Variants in TTC17 observed in about 807,000 individuals in gnomAD.
The protein encoded by TTC17 is tetratricopeptide repeat protein 17.
TTC17 carries 58 observed loss-of-function variants against 143.8 expected under a neutral mutation model. The ratio of observed to expected loss-of-function variants is 0.40; its 90% CI spans 0.33 to 0.50. The LOEUF (loss-of-function observed/expected upper bound fraction) is 0.50. Among genes scored for constraint, TTC17 ranks in the 20% least tolerant of loss-of-function variants. TTC17 has a pLI of 0.49. For synonymous variants in TTC17, 501 were observed against 497.8 expected (o/e 1.01, Z -0.09); for missense variants, 1,273 against 1,392.5 (o/e 0.91, Z 1.37).
rs555762309 is a variant in TTC17, at chr11:43,391,294, A to T, written c.420-171A>T. Among the ~76,000 whole-genome samples the T allele has an allele frequency of 3.3e-5, 5 of 152,180 alleles. No homozygotes were observed. The East Asian group carries it at 9.7e-4, about 29-fold the overall frequency. ...CATGCCTGTTGTCCCAGCTACTTGG[A>T]AGGCTGAGGTGAGAGGATCGCTTGA... On this transcript the variant is annotated intron_variant, in intron 3 of 23. Transcript: ENST00000039989.
At chr11:43,456,400 A>G (rs1186315035) in intron 21 of TTC17, among the ~76,000 whole-genome samples, 2 of 152,238 alleles carry the variant, frequency 1.3e-5, no homozygotes, top group Non-Finnish European at 2.9e-5. Flanking sequence ...AAAACCCAAA[A>G]GAATCCATGG....
intron 21 of TTC17, among the ~76,000 whole-genome samples, chr11:43,487,998 A>G (rs1301151820): frequency 1.3e-5 from 2 of 152,206 alleles, no homozygotes; most frequent in African/African-American, 4.8e-5. Flanking sequence ...AGACCTCCAC[A>G]TACAGTTACA....
At chr11:43,445,904 A>T in intron 18 of TTC17, 3 of 985,488 alleles carry the variant, frequency 3.0e-6, no homozygotes, top group East Asian at 2.6e-5. Context: ...ATAATGCTTA[A>T]CTAATTTCAT....
rs757529183 is a variant in TTC17, at chr11:43,448,030, A to G, written c.2694A>G (p.Gly898=). The G allele has an allele frequency of 7.4e-6, 12 of 1,614,052 alleles. No individual in the cohort carries two copies. The highest frequency in any genetic ancestry group is 1.3e-5 in the African/African-American group (1 of 75,042). The part of the protein sequence containing the change: ...QGKKRDYQRL[G]WPSPDECLKL... Reference sequence around the variant, plus strand: ...AAAAACGTGACTACCAGCGTCTGGGATGGCCCAGCCCGGACGAATGCCTCA... The same window carrying G: ...AAAAACGTGACTACCAGCGTCTGGGGTGGCCCAGCCCGGACGAATGCCTCA... Residue 898 remains glycine (G), a synonymous_variant, in exon 19 of 24, where the codon GGA becomes GGG. Coordinates refer to ENST00000039989, the MANE Select transcript of TTC17 (RefSeq NM_018259.6).
At chr11:43,398,217 G>GAAACCTCTT (rs1857701200) in intron 8 of TTC17, 104 bp downstream of exon 8, 1 of 1,418,820 alleles carries the variant, frequency 7.0e-7, no homozygotes, top group South Asian at 1.4e-5. Context: ...AATTAAGAAA[G>GAAACCTCTT]AAACCTCTTC....
chr11:43,413,228 G>GA (rs1946697370), intron 15 of TTC17, among the ~76,000 whole-genome samples: 2 of 152,212 alleles, frequency 1.3e-5, no homozygotes, highest in South Asian at 4.1e-4. Context: ...GTTCAGTGAG[G>GA]AAAAAACATT....
intron 21 of TTC17, 100 bp downstream of exon 21, chr11:43,451,365 CT>C: frequency 9.6e-7 from 1 of 1,037,326 alleles, no homozygotes; most frequent in Non-Finnish European, 1.5e-6. Context: ...CTGTTAGTTA[CT>C]TAGCACTTGG....
intron 5 of TTC17, among the ~76,000 whole-genome samples, chr11:43,393,990 A>C (rs1857485460): frequency 6.6e-6 from 1 of 152,208 alleles, no homozygotes; most frequent in Non-Finnish European, 1.5e-5. Context: ...ATGCTTGAAG[A>C]CAGAGAGAGA....
intron 13 of TTC17, among the ~76,000 whole-genome samples, chr11:43,406,465 C>T (rs1038001888): frequency 5.9e-5 from 9 of 151,600 alleles, no homozygotes; most frequent in Admixed American, 4.0e-4. Flanking sequence ...TATATAACTA[C>T]GAGTGTTTTA....
intron 22 of TTC17, chr11:43,490,594 G>T: frequency 2.5e-6 from 1 of 395,340 alleles, no homozygotes; most frequent in Non-Finnish European, 4.4e-6. Flanking sequence ...CCAGATCACT[G>T]TAAGACAGTA....
intron 8 of TTC17, among the ~76,000 whole-genome samples, chr11:43,398,964 T>G (rs537452386): frequency 8.5e-5 from 13 of 152,224 alleles, no homozygotes; most frequent in African/African-American, 2.4e-4. Context: ...ATAATTGAGC[T>G]GGCTCTATCT....
At chr11:43,392,040 A>G in intron 5 of TTC17, 88 bp downstream of exon 5, 1 of 1,451,392 alleles carries the variant, frequency 6.9e-7, no homozygotes, top group East Asian at 2.4e-5. Flanking sequence ...AAAATACCTG[A>G]CTAATTTGTT....
In TTC17 at chr11:43,391,457, G is replaced by T; in HGVS notation, c.420-8G>T. On this transcript the variant is annotated splice_polypyrimidine_tract_variant and splice_region_variant and intron_variant, in intron 3 of 23. Transcript: ENST00000039989. Reference sequence around the variant, plus strand: ...TTTTATTCATTCATTGCTTCTTTTTGATTTTAGTCCTGAAGATTATATAGA... The same window carrying T: ...TTTTATTCATTCATTGCTTCTTTTTTATTTTAGTCCTGAAGATTATATAGA... 6.7e-7 allele frequency: 1 copy of T among 1,502,562 alleles called. No individual in the cohort carries two copies. Among genetic ancestry groups the T allele is most frequent in the Non-Finnish European group, 9.2e-7 (1 of 1,091,628 alleles). 93.1% of individuals were successfully genotyped at this position (1,502,562 alleles called of 1,614,324 possible).
At chr11:43,426,564 T>A (rs1947032693) in intron 16 of TTC17, among the ~76,000 whole-genome samples, 1 of 152,204 alleles carries the variant, frequency 6.6e-6, no homozygotes, top group African/African-American at 2.4e-5. Context: ...CTCATAACAT[T>A]GTTTGATAGA....
At chr11:43,419,753 T>G in intron 16 of TTC17, among the ~76,000 whole-genome samples, 1 of 152,148 alleles carries the variant, frequency 6.6e-6, no homozygotes, top group Non-Finnish European at 1.5e-5. Flanking sequence ...ATTCACAGAC[T>G]CTATCATAGC....
chr11:43,493,218 G>T (rs1419872565), intron 23 of TTC17, among the ~76,000 whole-genome samples: 2 of 152,178 alleles, frequency 1.3e-5, no homozygotes, highest in African/African-American at 4.8e-5. Context: ...ATATGGCAGG[G>T]ATCATTTCCC....
intron 18 of TTC17, among the ~76,000 whole-genome samples, chr11:43,444,722 T>TACAC (rs10638143): frequency 0.17 from 24,905 of 143,466 alleles, 2,507 homozygotes; most frequent in African/African-American, 0.29. Flanking sequence ...ACCAAATACA[T>TACAC]ACACACACAC....
intron 19 of TTC17, among the ~76,000 whole-genome samples, chr11:43,448,421 G>T (rs1489562526): frequency 6.6e-6 from 1 of 152,116 alleles, no homozygotes; most frequent in Non-Finnish European, 1.5e-5. Context: ...AAAACCCATG[G>T]TTTGTCATGA....
chr11:43,439,608 A>G lies in TTC17; in HGVS notation c.2252-3717A>G, dbSNP rs535008636. Among the ~76,000 whole-genome samples, 100 of 151,702 alleles carry G rather than the reference A, an allele frequency of 6.6e-4. 1 individual carries two copies. Among genetic ancestry groups the G allele is most frequent in the Middle Eastern group, 3.4e-3 (1 of 292 alleles). ...TCAGCCTCCCGAGGTGGCTGGGACT[A>G]TAGGTGCCCACCACCACCCCTGGGC... On this transcript the variant is annotated intron_variant, in intron 16 of 23. Coordinates refer to ENST00000039989, the MANE Select transcript of TTC17 (RefSeq NM_018259.6).
Sources: gnomAD v4.1 joint callset for allele counts (sites outside exome capture counted in the v4.1 genomes callset) on GRCh38, gnomAD v4.1.1 for gene constraint, MANE v1.5 for transcripts, NCBI Gene and HGNC (gene_info 2026-07-23, HGNC 2026-07-21) for gene names.